The following VTCN1 variants were observed in gnomAD, a reference collection of about 807,000 sequenced individuals.
VTCN1 encodes V-set domain-containing T-cell activation inhibitor 1.
In VTCN1, 26 loss-of-function variants were observed where a neutral mutation model predicts 26.5. That is an observed-to-expected ratio of 0.98 (90% CI 0.72 to 1.36). The LOEUF is 1.36. Ranked by LOEUF, VTCN1 falls within the 40% of genes most tolerant of loss-of-function variation. The probability of loss-of-function intolerance (pLI) is 0.00; values close to 1 mark genes in which losing one functional copy is unlikely to be tolerated. For missense variants in VTCN1, 298 were observed against 337.7 expected (o/e 0.88, Z 0.92); for synonymous variants, 116 against 130.7 (o/e 0.89, Z 0.77).
intron 1 of VTCN1, among the ~76,000 whole-genome samples, chr1:117,198,705 T>C (rs991243129): frequency 3.3e-5 from 5 of 152,274 alleles, no homozygotes; most frequent in Middle Eastern, 3.4e-3. Context: ...CCCTGAAAGA[T>C]AAAGTAATTA....
At chr1:117,193,415 G>A (rs114735230) in intron 1 of VTCN1, among the ~76,000 whole-genome samples, 2,477 of 152,186 alleles carry the variant, frequency 0.016, 24 homozygotes, top group Non-Finnish European at 0.021. Context: ...GATATTCCAC[G>A]CAAATGGTAA....
chr1:117,203,513 G>T, intron 1 of VTCN1: 1 of 724,704 alleles, frequency 1.4e-6, no homozygotes, highest in Non-Finnish European at 1.7e-6. Flanking sequence ...GGCAGCAGCA[G>T]GAACACATCT....
intron 1 of VTCN1, among the ~76,000 whole-genome samples, chr1:117,189,754 C>T (rs1484984882): frequency 6.6e-6 from 1 of 152,148 alleles, no homozygotes; most frequent in Non-Finnish European, 1.5e-5. Flanking sequence ...AGGAAGGCAG[C>T]TAAGAAGAGG....
intron 1 of VTCN1, among the ~76,000 whole-genome samples, chr1:117,209,229 C>T (rs1195610792): frequency 6.6e-6 from 1 of 152,190 alleles, no homozygotes; most frequent in African/African-American, 2.4e-5. Flanking sequence ...ATTTTGAACA[C>T]CCACCTCCTG....
chr1:117,206,436 T>C (rs1649077727), intron 1 of VTCN1, among the ~76,000 whole-genome samples: 1 of 152,192 alleles, frequency 6.6e-6, no homozygotes, highest in South Asian at 2.1e-4. Context: ...GGAACATAAT[T>C]ATTACATATC....
chr1:117,210,216 C>CAGCAGCAGA (rs1260503520), intron 1 of VTCN1, among the ~76,000 whole-genome samples: 2 of 144,558 alleles, frequency 1.4e-5, no homozygotes, highest in Non-Finnish European at 3.0e-5. Context: ...GGGAGTTCAG[C>CAGCAGCAGA]AGCAGCAGCA....
intron 3 of VTCN1, among the ~76,000 whole-genome samples, chr1:117,154,274 A>G (rs1158353718): frequency 6.6e-6 from 1 of 152,202 alleles, no homozygotes; most frequent in Non-Finnish European, 1.5e-5. Context: ...CATTGAGGGT[A>G]TATTCTGTGC....
At chr1:117,182,669 C>A (rs79287110) in intron 1 of VTCN1, among the ~76,000 whole-genome samples, 35 of 152,164 alleles carry the variant, frequency 2.3e-4, no homozygotes, top group Non-Finnish European at 2.8e-4. Context: ...GCTTCCCAGG[C>A]CTTCCAGCCT....
intron 2 of VTCN1, 67 bp from the exon 3 acceptor site, chr1:117,156,988 T>C (rs1652114972): frequency 6.2e-7 from 1 of 1,610,360 alleles, no homozygotes; most frequent in Non-Finnish European, 8.5e-7. Flanking sequence ...AAACCCTTCA[T>C]TGCTGAAAGC....
intron 3 of VTCN1, among the ~76,000 whole-genome samples, chr1:117,153,629 A>C (rs1438891493): frequency 6.6e-6 from 1 of 152,132 alleles, no homozygotes; most frequent in East Asian, 1.9e-4. Flanking sequence ...TTCTAGGTAT[A>C]TTATGGTTAC....
intron 2 of VTCN1, 62 bp downstream of exon 2, chr1:117,170,045 G>T: frequency 6.8e-7 from 1 of 1,474,374 alleles, no homozygotes; most frequent in South Asian, 1.1e-5. Context: ...CTAACGCACT[G>T]AGTGATTAGG....
Position 117,161,616 on chromosome 1 carries a change from C to T in VTCN1, c.98-4695G>A, listed in dbSNP as rs1570948464. 6.6e-6 allele frequency among the ~76,000 whole-genome samples: 1 copy of T among 152,044 alleles called. No homozygotes were observed. The highest frequency in any genetic ancestry group is 1.9e-4 in the East Asian group (1 of 5,184). On this transcript the variant is annotated intron_variant, in intron 2 of 5. Transcript: ENST00000369458. This position sits in a 1 kb window ranked among gnomAD's most constrained non-coding sequence, Gnocchi z 4.3. ...TTTCTGCAGAGAAAAATAATGTTTGCTGAGTTTATGAATAAATGAATAAAT... is the reference window on the plus strand; with the variant it reads ...TTTCTGCAGAGAAAAATAATGTTTGTTGAGTTTATGAATAAATGAATAAAT...
At chr1:117,185,437 G>T (rs2101566277) in intron 1 of VTCN1, among the ~76,000 whole-genome samples, 1 of 152,316 alleles carries the variant, frequency 6.6e-6, no homozygotes, top group African/African-American at 2.4e-5. Context: ...CAGTGCCAAA[G>T]TGGCATTTGT....
At chr1:117,174,505 G>A (rs565367942) in intron 1 of VTCN1, among the ~76,000 whole-genome samples, 2 of 152,282 alleles carry the variant, frequency 1.3e-5, no homozygotes, top group Non-Finnish European at 2.9e-5. Context: ...GGTGACTCAC[G>A]GCTGTAATCC....
chr1:117,170,013 A>G, intron 2 of VTCN1, 94 bp downstream of exon 2: 1 of 1,243,198 alleles, frequency 8.0e-7, no homozygotes, highest in South Asian at 1.2e-5. Context: ...TTTCTGGGTC[A>G]AAGCTCTGGG....
In VTCN1 at chr1:117,175,072, C is replaced by T. The variant is rs1280201183; in HGVS notation, c.33-4901G>A. 2.6e-5 allele frequency among the ~76,000 whole-genome samples: 4 copies of T among 151,836 alleles called. No homozygotes were observed. The highest frequency in any genetic ancestry group is 4.4e-5 in the Non-Finnish European group (3 of 68,040). ...TGAGGAGGGCCTGGTTCGATTCCCT[C>T]ACATGCCTGCTTCAGCTGCTGCTGC... On this transcript the variant is annotated intron_variant, in intron 1 of 5. Transcript: ENST00000369458. This position sits in a 1 kb window ranked among gnomAD's most constrained non-coding sequence, Gnocchi z 4.2.
chr1:117,207,108 T>C (rs1350060528), intron 1 of VTCN1, among the ~76,000 whole-genome samples: 2 of 152,150 alleles, frequency 1.3e-5, no homozygotes, highest in Non-Finnish European at 2.9e-5. Flanking sequence ...GTCTGAGATG[T>C]CTGAGCCAGG....
chr1:117,143,987 G>T lies in VTCN1; in HGVS notation c.*1284C>A, dbSNP rs1396613342. On this transcript the variant is annotated 3_prime_UTR_variant, in exon 6 of 6. Coordinates refer to ENST00000369458, the MANE Select transcript of VTCN1 (RefSeq NM_024626.4). ...GGAAAGAAACTTAGAAGCTCAACAA[G>T]CTGAAGATAATCCCATCAGGCATTT... The T allele has an allele frequency of 6.6e-6, 1 of 152,262 alleles. No homozygotes were observed. Among genetic ancestry groups the T allele is most frequent in the South Asian group, 2.1e-4 (1 of 4,816 alleles). 9.4% of individuals were successfully genotyped at this position (152,262 alleles called of 1,614,324 possible).
intron 1 of VTCN1, among the ~76,000 whole-genome samples, chr1:117,210,303 G>T (rs1245621399): frequency 1.3e-5 from 2 of 152,198 alleles, no homozygotes; most frequent in South Asian, 2.1e-4. Flanking sequence ...GAGCTGGGGG[G>T]GCCTGGGGAG....
Sources: gnomAD v4.1 joint callset for allele counts (sites outside exome capture counted in the v4.1 genomes callset) on GRCh38, gnomAD v4.1.1 for gene constraint, Gnocchi (gnomAD v3.1) non-coding constraint, MANE v1.5 for transcripts, NCBI Gene and HGNC (gene_info 2026-07-23, HGNC 2026-07-21) for gene names.